Variants in PRICKLE2 observed in about 807,000 individuals in gnomAD.
PRICKLE2 encodes the protein prickle-like protein 2.
PRICKLE2 carries 21 observed loss-of-function variants against 81.4 expected under a neutral mutation model. That is an observed-to-expected ratio of 0.26 (90% CI 0.18 to 0.37). The LOEUF (loss-of-function observed/expected upper bound fraction) is 0.37, where lower values mean the gene tolerates loss of function less well. PRICKLE2 is among the 10% of genes least tolerant of loss of function. PRICKLE2 has a pLI of 1.00. For synonymous variants in PRICKLE2, 456 were observed against 421.5 expected (o/e 1.08, Z -1.00); for missense variants, 940 against 1,109.0 (o/e 0.85, Z 2.16).
chr3:64,113,262 A>G (rs1415123350), intron 7 of PRICKLE2, among the ~76,000 whole-genome samples: 4 of 152,116 alleles, frequency 2.6e-5, no homozygotes, highest in African/African-American at 9.7e-5. Flanking sequence ...CCCTAGACTC[A>G]ACTTGTTCCC....
chr3:64,180,386 G>A (rs1226430787), intron 2 of PRICKLE2, among the ~76,000 whole-genome samples: 1 of 152,046 alleles, frequency 6.6e-6, no homozygotes, highest in Non-Finnish European at 1.5e-5. Context: ...ACATAGTTGT[G>A]CAACTGCTAC....
chr3:64,175,645 C>G (rs1023547869), intron 2 of PRICKLE2, among the ~76,000 whole-genome samples: 6 of 152,192 alleles, frequency 3.9e-5, no homozygotes, highest in African/African-American at 1.4e-4. Flanking sequence ...ACATGCATTT[C>G]TAGATATTGA....
chr3:64,257,015 T>G (rs1422239433), intron 2 of PRICKLE2, among the ~76,000 whole-genome samples: 1 of 152,204 alleles, frequency 6.6e-6, no homozygotes, highest in Non-Finnish European at 1.5e-5. Context: ...AATTGACATG[T>G]ATAAGTTGCC....
At chr3:64,172,738 G>C (rs1411271588) in intron 2 of PRICKLE2, among the ~76,000 whole-genome samples, 1 of 152,164 alleles carries the variant, frequency 6.6e-6, no homozygotes, top group African/African-American at 2.4e-5. Flanking sequence ...TAACCCCTAT[G>C]TGTGACTATA....
intron 2 of PRICKLE2, among the ~76,000 whole-genome samples, chr3:64,263,801 T>C (rs1227485296): frequency 2.0e-5 from 3 of 152,198 alleles, no homozygotes; most frequent in African/African-American, 7.2e-5. Flanking sequence ...AGCCTTATCT[T>C]GGGTCATCTT....
chr3:64,126,222 G>A (rs531201129), intron 7 of PRICKLE2, among the ~76,000 whole-genome samples: 66 of 152,200 alleles, frequency 4.3e-4, no homozygotes, highest in Non-Finnish European at 8.8e-4. Flanking sequence ...AAACAGTCTG[G>A]GACAAGAATT....
chr3:64,230,830 T>C (rs1267248930), intron 2 of PRICKLE2, among the ~76,000 whole-genome samples: 2 of 152,168 alleles, frequency 1.3e-5, no homozygotes, highest in African/African-American at 4.8e-5. Context: ...CTGTGTAGAG[T>C]ACCTAGCATA....
At chr3:64,208,767 A>C (rs2078735008) in intron 1 of PRICKLE2, among the ~76,000 whole-genome samples, 1 of 152,240 alleles carries the variant, frequency 6.6e-6, no homozygotes, top group African/African-American at 2.4e-5. Flanking sequence ...CAGATATAAA[A>C]ATTTAGCTGA....
chr3:64,119,492 C>G (rs1421722345), intron 7 of PRICKLE2, among the ~76,000 whole-genome samples: 1 of 152,104 alleles, frequency 6.6e-6, no homozygotes, highest in African/African-American at 2.4e-5. Context: ...AAATGCAAGT[C>G]AAAAGCACAA....
intron 2 of PRICKLE2, among the ~76,000 whole-genome samples, chr3:64,177,072 T>C (rs2078037320): frequency 6.6e-6 from 1 of 151,476 alleles, no homozygotes; most frequent in African/African-American, 2.4e-5. Flanking sequence ...GCAGTGTTTT[T>C]TAATTAAAAT....
intron 1 of PRICKLE2, among the ~76,000 whole-genome samples, chr3:64,222,097 A>C (rs1254555239): frequency 6.6e-6 from 1 of 152,204 alleles, no homozygotes; most frequent in Non-Finnish European, 1.5e-5. Flanking sequence ...ACATCCAGTC[A>C]GTACCAGGAA....
At chr3:64,171,684 A>G (rs1359645171) in intron 2 of PRICKLE2, among the ~76,000 whole-genome samples, 1 of 152,236 alleles carries the variant, frequency 6.6e-6, no homozygotes, top group East Asian at 1.9e-4. Flanking sequence ...TTATTAGAGG[A>G]TCTAGACAGA....
chr3:64,147,828 C>A lies in PRICKLE2; in HGVS notation c.788-126G>T. On this transcript the variant is annotated intron_variant, in intron 6 of 7. Coordinates refer to ENST00000638394, the MANE Select transcript of PRICKLE2 (RefSeq NM_198859.4). This position sits in a 1 kb window ranked among gnomAD's most constrained non-coding sequence, Gnocchi z 5.0. The stretch of plus-strand genomic sequence containing the variant: ...GCGGCAGGATAAACTGTCAATAAAT[C>A]AACAATCAGACCCTTATGTAAATGG... 1.0e-6 allele frequency: 1 copy of A among 971,948 alleles called. No homozygotes were observed. The highest frequency in any genetic ancestry group is 1.6e-6 in the Non-Finnish European group (1 of 618,398). 60.2% of individuals were successfully genotyped at this position (971,948 alleles called of 1,614,324 possible).
chr3:64,236,441 A>G (rs2079180617), intron 2 of PRICKLE2, among the ~76,000 whole-genome samples: 4 of 152,196 alleles, frequency 2.6e-5, no homozygotes, highest in Admixed American at 6.5e-5. Context: ...TAGTAACCCA[A>G]GCTAATCACA....
chr3:64,238,687 C>T (rs1051456014), intron 2 of PRICKLE2, among the ~76,000 whole-genome samples: 2 of 152,022 alleles, frequency 1.3e-5, no homozygotes, highest in East Asian at 1.9e-4. Flanking sequence ...TGTCCCTACC[C>T]CTTCTTATTA....
intron 6 of PRICKLE2, among the ~76,000 whole-genome samples, chr3:64,152,385 C>T (rs2077561746): frequency 6.6e-6 from 1 of 152,114 alleles, no homozygotes; most frequent in Non-Finnish European, 1.5e-5. Flanking sequence ...ATGAAGAAGC[C>T]ACAATGCAGT....
chr3:64,133,433 C>G (rs2077227764), intron 7 of PRICKLE2, among the ~76,000 whole-genome samples: 1 of 152,136 alleles, frequency 6.6e-6, no homozygotes, highest in Non-Finnish European at 1.5e-5. Context: ...TGATAATGAT[C>G]TCAGTGGAAA....
intron 2 of PRICKLE2, among the ~76,000 whole-genome samples, chr3:64,182,987 T>C (rs1208874113): frequency 2.0e-5 from 3 of 152,116 alleles, no homozygotes; most frequent in South Asian, 4.1e-4. Flanking sequence ...TTATAATAAA[T>C]TTAAATGTAT....
At chr3:64,222,746 A>G (rs1255055831) in intron 1 of PRICKLE2, among the ~76,000 whole-genome samples, 1 of 152,218 alleles carries the variant, frequency 6.6e-6, no homozygotes, top group East Asian at 1.9e-4. Context: ...CCCTGGATAG[A>G]GAAGAAAATG....
Sources: allele counts gnomAD v4.1 joint callset (sites outside exome capture counted in the v4.1 genomes callset), GRCh38; gene constraint gnomAD v4.1.1; non-coding constraint Gnocchi (gnomAD v3.1); transcripts MANE v1.5; gene names NCBI Gene and HGNC (gene_info 2026-07-23, HGNC 2026-07-21).